Variants in ADAM2 observed in about 807,000 individuals in gnomAD.
ADAM2 encodes disintegrin and metalloproteinase domain-containing protein 2.
Under a neutral mutation model 99.3 loss-of-function variants are expected in ADAM2, and 101 were observed. That is an observed-to-expected ratio of 1.02 (90% CI 0.87 to 1.20). The LOEUF is 1.20. Among genes scored for constraint, ADAM2 ranks in the 50% most tolerant of loss-of-function variants. ADAM2 has a pLI of 0.00. For synonymous variants in ADAM2, 323 were observed against 287.6 expected, an observed-to-expected ratio of 1.12 and a Z score of -1.25; for missense variants, 948 against 878.7, an observed-to-expected ratio of 1.08 and a Z score of -1.00.
intron 18 of ADAM2, among the ~76,000 whole-genome samples, chr8:39,747,056 T>C (rs1823498603): frequency 6.6e-6 from 1 of 152,218 alleles, no homozygotes; most frequent in Non-Finnish European, 1.5e-5. Flanking sequence ...CATCTATGCC[T>C]ATAGTTTTTT....
intron 7 of ADAM2, among the ~76,000 whole-genome samples, chr8:39,796,074 C>A (rs1400480638): frequency 1.3e-5 from 2 of 148,588 alleles, no homozygotes; most frequent in African/African-American, 2.5e-5. Flanking sequence ...TCCTTTATTT[C>A]TTCTTCTAAA....
intron 6 of ADAM2, among the ~76,000 whole-genome samples, chr8:39,816,222 G>A (rs78145796): frequency 6.6e-6 from 1 of 151,996 alleles, no homozygotes; most frequent in Non-Finnish European, 1.5e-5. Flanking sequence ...ACTTGAACCC[G>A]GGAGGTGGAG....
intron 16 of ADAM2, among the ~76,000 whole-genome samples, chr8:39,754,503 G>A (rs576556113): frequency 4.6e-5 from 7 of 152,318 alleles, no homozygotes; most frequent in African/African-American, 1.4e-4. Flanking sequence ...AATTTAAAAT[G>A]TAAGATAGTC....
chr8:39,838,048 C>A, intron 1 of ADAM2, 83 bp downstream of exon 1: 1 of 1,461,218 alleles, frequency 6.8e-7, no homozygotes, highest in East Asian at 2.3e-5. Flanking sequence ...AGCATCCTCC[C>A]AGGGATGTCA....
intron 7 of ADAM2, among the ~76,000 whole-genome samples, chr8:39,789,393 A>G (rs867209933): frequency 6.6e-6 from 1 of 151,952 alleles, no homozygotes; most frequent in Middle Eastern, 3.4e-3. Context: ...TCTATAGCAC[A>G]TTTCACTACA....
At chr8:39,813,246 T>C (rs944134151) in intron 6 of ADAM2, among the ~76,000 whole-genome samples, 5 of 152,128 alleles carry the variant, frequency 3.3e-5, no homozygotes, top group Admixed American at 1.3e-4. Flanking sequence ...GTTAGAATGG[T>C]GATCATTAAA....
At position 39,788,118 on chromosome 8, in the gene ADAM2, A is replaced by G. The variant is rs765409025; in HGVS notation, c.776T>C (p.Val259Ala). The change falls in exon 9 of 21, where the codon GTT (valine) becomes GCT (alanine). Residue 259 changes from valine (V) to alanine (A), a missense_variant. Coordinates refer to ENST00000265708, the MANE Select transcript of ADAM2 (RefSeq NM_001464.5). ...AAATGCCACATCATGAGGACGTAAA[A>G]CAAGATAAGATGTTTTCCATCTTAA... ...TFLRWKTSYLVLRPHDVAFLL... is the reference protein window; with the variant it reads ...TFLRWKTSYLALRPHDVAFLL... 1.3e-5 allele frequency: 21 copies of G among 1,562,716 alleles called. No individual in the cohort carries two copies. The highest frequency in any genetic ancestry group is 1.9e-5 in the Admixed American group (1 of 52,552).
At position 39,804,079 on chromosome 8, in the gene ADAM2, C is replaced by A. The variant is rs141603945; in HGVS notation, c.570+5331G>T. ...TAAGTATCCAGGCTAAGTGTTTGAG[C>A]AAGTGACAAGAGTTTGTGGATGTTC... On this transcript the variant is annotated intron_variant, in intron 7 of 20. Coordinates refer to ENST00000265708, the MANE Select transcript of ADAM2 (RefSeq NM_001464.5). 2.8e-3 allele frequency among the ~76,000 whole-genome samples: 425 copies of A among 152,252 alleles called. 2 individuals are homozygous for A. Among genetic ancestry groups the A allele is most frequent in the African/African-American group, 9.9e-3 (410 of 41,556 alleles).
intron 16 of ADAM2, among the ~76,000 whole-genome samples, chr8:39,753,956 T>A (rs377420425): frequency 1.3e-5 from 2 of 152,198 alleles, no homozygotes; most frequent in Admixed American, 1.3e-4. Flanking sequence ...TCTTTACTAA[T>A]TAATTTAGTA....
chr8:39,787,065 A>G lies in ADAM2; in HGVS notation c.810-10T>C. 6.5e-7 allele frequency: 1 copy of G among 1,546,382 alleles called. No homozygotes were observed. The highest frequency in any genetic ancestry group is 1.2e-5 in the South Asian group (1 of 84,222). On this transcript the variant is annotated splice_polypyrimidine_tract_variant and intron_variant, in intron 9 of 20. Transcript: ENST00000265708. Reference sequence around the variant, plus strand: ...TGACTTTTCTCTGTAACTTAAGTTTAAAAAGGGATCATAATCATATAATTT... The same window carrying G: ...TGACTTTTCTCTGTAACTTAAGTTTGAAAAGGGATCATAATCATATAATTT...
intron 10 of ADAM2, among the ~76,000 whole-genome samples, chr8:39,784,551 A>G (rs1036161668): frequency 6.6e-6 from 1 of 152,038 alleles, no homozygotes; most frequent in Non-Finnish European, 1.5e-5. Flanking sequence ...ATATTTTTTT[A>G]AATTATTGTA....
chr8:39,779,005 AG>A (rs1451764771), intron 10 of ADAM2, among the ~76,000 whole-genome samples: 1 of 151,638 alleles, frequency 6.6e-6, no homozygotes, highest in Admixed American at 6.6e-5. Context: ...GTATAAAAGC[AG>A]GGTTTTTTTT....
intron 14 of ADAM2, among the ~76,000 whole-genome samples, chr8:39,763,881 CAA>C (rs111670307): frequency 0.015 from 2,215 of 152,290 alleles, 60 homozygotes; most frequent in African/African-American, 0.051. Context: ...TTGAGGCAAA[CAA>C]GAGCTCACTG....
At chr8:39,779,855 A>G (rs1028288918) in intron 10 of ADAM2, among the ~76,000 whole-genome samples, 3 of 152,094 alleles carry the variant, frequency 2.0e-5, no homozygotes, top group Admixed American at 2.0e-4. Flanking sequence ...TTTTAGAAAA[A>G]CACTCGTCTC....
At chr8:39,800,911 G>A (rs1451307660) in intron 7 of ADAM2, among the ~76,000 whole-genome samples, 1 of 152,078 alleles carries the variant, frequency 6.6e-6, no homozygotes, top group Non-Finnish European at 1.5e-5. Context: ...GGTTATTCTA[G>A]TTAGCAATTC....
At chr8:39,798,578 C>T (rs374901914) in intron 7 of ADAM2, among the ~76,000 whole-genome samples, 1 of 152,130 alleles carries the variant, frequency 6.6e-6, no homozygotes, top group South Asian at 2.1e-4. Flanking sequence ...AGGAGTCCCT[C>T]CTTTTCAATT....
intron 3 of ADAM2, among the ~76,000 whole-genome samples, chr8:39,826,551 G>A (rs1465304673): frequency 6.6e-6 from 1 of 151,790 alleles, no homozygotes; most frequent in Non-Finnish European, 1.5e-5. Context: ...GTGAAACCCC[G>A]ACTCTACTAA....
At chr8:39,764,890 A>C (rs1035624532) in intron 14 of ADAM2, among the ~76,000 whole-genome samples, 5 of 151,888 alleles carry the variant, frequency 3.3e-5, no homozygotes, top group African/African-American at 9.7e-5. Context: ...TGGTGTGTGC[A>C]TCTAATCACA....
chr8:39,796,287 T>C (rs1180129668), intron 7 of ADAM2, among the ~76,000 whole-genome samples: 5 of 152,064 alleles, frequency 3.3e-5, no homozygotes, highest in Admixed American at 6.5e-5. Flanking sequence ...GGAGAACATG[T>C]GGTGTTTGGT....
Sources: gnomAD v4.1 joint callset for allele counts (sites outside exome capture counted in the v4.1 genomes callset) on GRCh38, gnomAD v4.1.1 for gene constraint, MANE v1.5 for transcripts, NCBI Gene and HGNC (gene_info 2026-07-23, HGNC 2026-07-21) for gene names.